Variants in CAPN7 observed in about 807,000 individuals in gnomAD.
CAPN7 encodes the protein calpain-7.
A neutral mutation model predicts 115.2 loss-of-function variants in CAPN7; 72 were observed. That is an observed-to-expected ratio of 0.63 (90% CI 0.52 to 0.76). CAPN7 has a LOEUF of 0.76. Ranked by LOEUF, CAPN7 falls within the 30% of genes least tolerant of loss-of-function variation. The probability of loss-of-function intolerance (pLI) is 0.00; values close to 1 mark genes in which losing one functional copy is unlikely to be tolerated. For synonymous variants in CAPN7, 344 were observed against 322.3 expected, an observed-to-expected ratio of 1.07 and a Z score of -0.72; for missense variants, 905 against 971.5, an observed-to-expected ratio of 0.93 and a Z score of 0.91.
intron 4 of CAPN7, among the ~76,000 whole-genome samples, chr3:15,220,072 G>A (rs111789505): frequency 0.079 from 12,008 of 152,118 alleles, 613 homozygotes; most frequent in Non-Finnish European, 0.11. Context: ...GTGGTGGTAG[G>A]CACCTATAAT....
chr3:15,230,252 C>G (rs1694603813), intron 8 of CAPN7, among the ~76,000 whole-genome samples, 190 bp from the exon 9 acceptor site: 1 of 152,124 alleles, frequency 6.6e-6, no homozygotes, highest in Non-Finnish European at 1.5e-5. Flanking sequence ...CAGAAAATTA[C>G]TTACTAATAG....
chr3:15,220,062 G>T (rs1196041882), intron 4 of CAPN7, among the ~76,000 whole-genome samples: 1 of 152,106 alleles, frequency 6.6e-6, no homozygotes, highest in South Asian at 2.1e-4. Flanking sequence ...TTAGCCAGGC[G>T]TGGTGGTAGG....
chr3:15,215,944 A>G (rs7635299), intron 2 of CAPN7, among the ~76,000 whole-genome samples: 19,199 of 152,120 alleles, frequency 0.13, 4,049 homozygotes, highest in African/African-American at 0.43. Flanking sequence ...AAATTAGCCA[A>G]GCGTGATGGT....
Position 15,251,229 on chromosome 3 carries a change from T to G in CAPN7, c.2411T>G (p.Ile804Ser), listed in dbSNP as rs764386618. 14 of 1,604,826 alleles carry G rather than the reference T, an allele frequency of 8.7e-6. No homozygotes were observed. The South Asian group carries it at 1.1e-4, about 13-fold the overall frequency. Residue 804 changes from isoleucine to serine, a missense_variant, in exon 21 of 21, where the codon ATT becomes AGT. Coordinates refer to ENST00000253693, the MANE Select transcript of CAPN7 (RefSeq NM_014296.3). Reference sequence around the variant, plus strand: ...CCTTTTTTCTTGGACTTTAATAGTATTATCCCCATCAAGATCACACAACTT... The same window carrying G: ...CCTTTTTTCTTGGACTTTAATAGTAGTATCCCCATCAAGATCACACAACTT... The part of the protein sequence containing the change: ...EGPFFLDFNS[I>S]IPIKITQLQ
chr3:15,234,909 TCAGGGGTAGGAACAGC>T, intron 11 of CAPN7, 100 bp from the exon 12 acceptor site: 2 of 702,840 alleles, frequency 2.8e-6, no homozygotes, highest in South Asian at 6.0e-5. Context: ...TGAAAATTCT[TCAGGGGTAGGAACAGC>T]CCATTTTCAT....
chr3:15,208,626 G>A (rs370099533), intron 1 of CAPN7, among the ~76,000 whole-genome samples: 3 of 151,908 alleles, frequency 2.0e-5, no homozygotes, highest in East Asian at 3.9e-4. Flanking sequence ...CAGACTCTTG[G>A]GCATTCAGTT....
rs1695737779 is a variant in CAPN7, at chr3:15,247,528, T to C, written c.2204+71T>C. 9 of 1,306,406 alleles carry C rather than the reference T, an allele frequency of 6.9e-6. No individual in the cohort carries two copies. The South Asian group carries it at 1.4e-4, about 20-fold the overall frequency. 80.9% of individuals were successfully genotyped at this position (1,306,406 alleles called of 1,614,324 possible). On this transcript the variant is annotated intron_variant, in intron 19 of 20. Transcript: ENST00000253693. ...ATGAACATAGTATAACAAAAAAGTTTAGAAACAGACCTAAGCATATATGGA... is the reference window on the plus strand; with the variant it reads ...ATGAACATAGTATAACAAAAAAGTTCAGAAACAGACCTAAGCATATATGGA...
At chr3:15,212,753 A>G (rs2045027858) in intron 2 of CAPN7, among the ~76,000 whole-genome samples, 2 of 152,214 alleles carry the variant, frequency 1.3e-5, no homozygotes, top group African/African-American at 2.4e-5. Context: ...ATAGAAATAT[A>G]TAGTCTTAAT....
In CAPN7 at chr3:15,206,439, G is replaced by T; in HGVS notation, c.-57G>T. The T allele has an allele frequency of 7.4e-7, 1 of 1,345,972 alleles. No homozygotes were observed. 83.4% of individuals were successfully genotyped at this position (1,345,972 alleles called of 1,614,324 possible). On this transcript the variant is annotated 5_prime_UTR_variant, in exon 1 of 21. Coordinates refer to ENST00000253693, the MANE Select transcript of CAPN7 (RefSeq NM_014296.3). ...CCGCCGCCGGGCCGCCGCAGTCCGC[G>T]AAGAGCCGTCCTGCGTCAGGGCCTC...
intron 19 of CAPN7, among the ~76,000 whole-genome samples, chr3:15,249,025 C>CAAAAA (rs59492817): frequency 7.6e-6 from 1 of 130,758 alleles, no homozygotes; most frequent in African/African-American, 3.0e-5. Flanking sequence ...AAAAAAAAAA[C>CAAAAA]AAAAACAGAA....
At chr3:15,211,211 A>G (rs920132966) in intron 1 of CAPN7, among the ~76,000 whole-genome samples, 10 of 152,090 alleles carry the variant, frequency 6.6e-5, no homozygotes, top group Admixed American at 2.6e-4. Flanking sequence ...ATCTCCTGTA[A>G]TCTTTTCTTG....
chr3:15,224,627 G>A (rs1048930999), intron 6 of CAPN7, among the ~76,000 whole-genome samples: 1 of 151,820 alleles, frequency 6.6e-6, no homozygotes, highest in Non-Finnish European at 1.5e-5. Flanking sequence ...ATGATGTGGA[G>A]AAATATACCC....
chr3:15,242,141 C>T, intron 15 of CAPN7, 37 bp from the exon 16 acceptor site: 1 of 1,349,758 alleles, frequency 7.4e-7, no homozygotes, highest in Non-Finnish European at 1.0e-6. Flanking sequence ...CATTTTGAAC[C>T]CATTTTCTAA....
chr3:15,244,742 T>G (rs539627577), intron 16 of CAPN7, among the ~76,000 whole-genome samples: 8 of 152,330 alleles, frequency 5.3e-5, no homozygotes, highest in African/African-American at 1.9e-4. Flanking sequence ...GCAGCATTCT[T>G]TGTAATAACA....
Position 15,242,212 on chromosome 3 carries a change from T to C in CAPN7, c.1823T>C (p.Met608Thr), listed in dbSNP as rs778878915. Residue 608 changes from methionine to threonine, a missense_variant, in exon 16 of 21, where the codon ATG becomes ACG. By Grantham distance (81) the Met-to-Thr change is moderately conservative (BLOSUM62 -1). Transcript: ENST00000253693. ...DFANNREFIT[M>T]VVYKTDGKKV... ...GCGAATAATCGAGAATTTATCACAATGGTTGTATACAAGACTGATGGGAAA... is the reference window on the plus strand; with the variant it reads ...GCGAATAATCGAGAATTTATCACAACGGTTGTATACAAGACTGATGGGAAA... 2.5e-6 allele frequency: 4 copies of C among 1,605,090 alleles called. No homozygotes were observed. Among genetic ancestry groups the C allele is most frequent in the East Asian group, 2.2e-5 (1 of 44,528 alleles).
chr3:15,221,119 T>G, intron 5 of CAPN7, 138 bp downstream of exon 5: 1 of 599,784 alleles, frequency 1.7e-6, no homozygotes, highest in Non-Finnish European at 2.9e-6. Context: ...TATATCATCA[T>G]GTAGTCACAA....
chr3:15,221,838 T>C (rs1207894343), intron 5 of CAPN7, among the ~76,000 whole-genome samples: 1 of 151,828 alleles, frequency 6.6e-6, no homozygotes, highest in Non-Finnish European at 1.5e-5. Context: ...GGTATGATGA[T>C]GTGCACTGTA....
chr3:15,245,362 A>C (rs1243300336), intron 16 of CAPN7, among the ~76,000 whole-genome samples, 164 bp from the exon 17 acceptor site: 1 of 152,030 alleles, frequency 6.6e-6, no homozygotes. Context: ...GAACTGTTTA[A>C]TTTTAAAGTT....
intron 12 of CAPN7, among the ~76,000 whole-genome samples, chr3:15,236,407 A>T (rs1463821826): frequency 6.6e-6 from 1 of 152,222 alleles, no homozygotes; most frequent in Non-Finnish European, 1.5e-5. Flanking sequence ...AAATAAAAAG[A>T]TTATTAAACA....
Sources: allele counts gnomAD v4.1 joint callset (sites outside exome capture counted in the v4.1 genomes callset), GRCh38; gene constraint gnomAD v4.1.1; transcripts MANE v1.5; gene names NCBI Gene and HGNC (gene_info 2026-07-23, HGNC 2026-07-21).